The following ITPRID1 variants were observed in gnomAD, a reference collection of about 807,000 sequenced individuals.
The protein encoded by ITPRID1 is protein ITPRID1.
ITPRID1 carries 96 observed loss-of-function variants against 95.4 expected under a neutral mutation model. The observed-to-expected ratio is 1.01, with a 90% CI of 0.85 to 1.19. ITPRID1 has a LOEUF of 1.19. Among genes scored for constraint, ITPRID1 ranks in the 50% most tolerant of loss-of-function variants. The pLI, the probability that ITPRID1 is intolerant of heterozygous loss-of-function variation, is 0.00. For missense variants in ITPRID1, 1,339 were observed against 1,252.9 expected, an observed-to-expected ratio of 1.07 and a Z score of -1.04; for synonymous variants, 510 against 453.6, an observed-to-expected ratio of 1.12 and a Z score of -1.58.
rs762730317 is a variant in ITPRID1 at position 31,636,728 on chromosome 7, A to T, written c.1229-5448A>T. 9.4e-3 allele frequency among the ~76,000 whole-genome samples: 1,049 copies of T among 111,154 alleles called. 9 individuals are homozygous for T. The highest frequency in any genetic ancestry group is 0.027 in the African/African-American group (826 of 30,180). 72.9% of individuals were successfully genotyped at this position (111,154 alleles called of 152,430 possible). Reference sequence around the variant, plus strand: ...ACATAAAGGGATCTTTTTTTTTTAAAAATTTTATTATTATTATACTTTAAG... The same window carrying T: ...ACATAAAGGGATCTTTTTTTTTTAATAATTTTATTATTATTATACTTTAAG... On this transcript the variant is annotated intron_variant, in intron 10 of 14. Coordinates refer to ENST00000615280, the MANE Select transcript of ITPRID1 (RefSeq NM_001257967.3).
intron 7 of ITPRID1, among the ~76,000 whole-genome samples, chr7:31,572,706 T>C (rs1262830425): frequency 6.6e-6 from 1 of 152,188 alleles, no homozygotes; most frequent in Non-Finnish European, 1.5e-5. Flanking sequence ...TAAAAATTTT[T>C]TAACAAAGTC....
At chr7:31,583,502 C>T (rs151195822) in intron 10 of ITPRID1, among the ~76,000 whole-genome samples, 442 of 152,182 alleles carry the variant, frequency 2.9e-3, no homozygotes, top group African/African-American at 9.8e-3. Context: ...GTGGTGCGCA[C>T]CTGTAATCCC....
At chr7:31,628,955 A>T (rs1788746502) in intron 10 of ITPRID1, among the ~76,000 whole-genome samples, 1 of 152,220 alleles carries the variant, frequency 6.6e-6, no homozygotes, top group Non-Finnish European at 1.5e-5. Context: ...AAAACAAAAA[A>T]ACATTTGGAC....
chr7:31,552,986 G>A lies in ITPRID1; in HGVS notation c.-23-16G>A, dbSNP rs1281781850. 6.3e-7 allele frequency: 1 copy of A among 1,591,882 alleles called. No homozygotes were observed. Among genetic ancestry groups the A allele is most frequent in the Non-Finnish European group, 8.6e-7 (1 of 1,169,114 alleles). ...AACTCATCGTGTCTGATTTGTTTGT[G>A]TGTGTGTGTTTTAAGTTAGTTTGCA... On this transcript the variant is annotated splice_polypyrimidine_tract_variant and intron_variant, in intron 2 of 14. Transcript: ENST00000615280.
intron 1 of ITPRID1, chr7:31,529,918 G>C: frequency 1.0e-6 from 1 of 983,068 alleles, no homozygotes; most frequent in Non-Finnish European, 1.5e-6. Flanking sequence ...CAGTTGGAAT[G>C]AAAGGGCAGC....
chr7:31,646,385 C>T (rs1019138018), intron 12 of ITPRID1, among the ~76,000 whole-genome samples: 1 of 152,012 alleles, frequency 6.6e-6, no homozygotes, highest in African/African-American at 2.4e-5. Flanking sequence ...GCCTCCAGCA[C>T]CTGGGAGCAG....
chr7:31,633,720 C>G (rs1018501911), intron 10 of ITPRID1, among the ~76,000 whole-genome samples: 1 of 152,204 alleles, frequency 6.6e-6, no homozygotes, highest in Non-Finnish European at 1.5e-5. Context: ...CACCACAGAG[C>G]TGTCACAGAA....
chr7:31,574,447 A>C, intron 7 of ITPRID1, 93 bp from the exon 8 acceptor site: 4 of 1,084,010 alleles, frequency 3.7e-6, no homozygotes, highest in Admixed American at 1.8e-5. Flanking sequence ...TCTTTCACTC[A>C]GTATCTGGGA....
At chr7:31,526,775 T>C (rs1000757595) in intron 1 of ITPRID1, among the ~76,000 whole-genome samples, 10 of 152,096 alleles carry the variant, frequency 6.6e-5, no homozygotes, top group African/African-American at 2.4e-4. Flanking sequence ...AACTCACTTA[T>C]CTACATTTCT....
intron 13 of ITPRID1, 148 bp downstream of exon 13, chr7:31,651,417 C>T: frequency 1.1e-6 from 1 of 943,216 alleles, no homozygotes. Context: ...CTTGTTCTTG[C>T]TTTCTCAGTG....
At chr7:31,639,099 T>G (rs1789765033) in intron 10 of ITPRID1, among the ~76,000 whole-genome samples, 1 of 152,154 alleles carries the variant, frequency 6.6e-6, no homozygotes, top group Non-Finnish European at 1.5e-5. Context: ...TTCATGTGCC[T>G]TGGTGTAGTT....
intron 1 of ITPRID1, among the ~76,000 whole-genome samples, chr7:31,546,272 A>G (rs1784093434): frequency 6.6e-6 from 1 of 152,046 alleles, no homozygotes; most frequent in South Asian, 2.1e-4. Flanking sequence ...TCTGTTTGTT[A>G]GCTGTTGGGA....
chr7:31,615,477 G>A (rs569998483), intron 10 of ITPRID1, among the ~76,000 whole-genome samples: 1 of 152,218 alleles, frequency 6.6e-6, no homozygotes, highest in African/African-American at 2.4e-5. Context: ...TACTATGGAC[G>A]CATCTTGAAG....
chr7:31,608,636 T>G (rs1786728943), intron 10 of ITPRID1, among the ~76,000 whole-genome samples: 2 of 151,780 alleles, frequency 1.3e-5, no homozygotes, highest in Admixed American at 1.3e-4. Flanking sequence ...ATGAAATTGT[T>G]CTTGTAAATT....
intron 10 of ITPRID1, among the ~76,000 whole-genome samples, chr7:31,604,769 G>T (rs1396002886): frequency 6.6e-6 from 1 of 152,102 alleles, no homozygotes; most frequent in African/African-American, 2.4e-5. Flanking sequence ...TTTTTCAAGG[G>T]ATAGCTTATG....
intron 10 of ITPRID1, among the ~76,000 whole-genome samples, chr7:31,638,804 A>T (rs1789727132): frequency 6.6e-6 from 1 of 151,690 alleles, no homozygotes; most frequent in Non-Finnish European, 1.5e-5. Flanking sequence ...TGAGATGGAG[A>T]CTTGCTCTGT....
At chr7:31,652,100 G>A in intron 14 of ITPRID1, 50 bp downstream of exon 14, 1 of 1,279,210 alleles carries the variant, frequency 7.8e-7, no homozygotes, top group Non-Finnish European at 1.1e-6. Flanking sequence ...TACCACAGGA[G>A]AGGTGCATTA....
intron 10 of ITPRID1, among the ~76,000 whole-genome samples, chr7:31,625,636 G>C (rs552640986): frequency 3.3e-5 from 5 of 152,130 alleles, no homozygotes; most frequent in Middle Eastern, 3.4e-3. Context: ...GTGGGAGGAG[G>C]GGGGAGGGAT....
chr7:31,588,566 G>A (rs1418653671), intron 10 of ITPRID1, among the ~76,000 whole-genome samples: 1 of 145,010 alleles, frequency 6.9e-6, no homozygotes, highest in Non-Finnish European at 1.5e-5. Context: ...GGGAGACAGA[G>A]GTTGTGGTGA....
Sources: allele counts gnomAD v4.1 joint callset (sites outside exome capture counted in the v4.1 genomes callset), GRCh38; gene constraint gnomAD v4.1.1; transcripts MANE v1.5; gene names NCBI Gene and HGNC (gene_info 2026-07-23, HGNC 2026-07-21).